The following GPR89A variants were observed in gnomAD, a reference collection of about 807,000 sequenced individuals.
The protein encoded by GPR89A is golgi pH regulator A, also known as G protein-coupled receptor 89A.
A neutral mutation model predicts 52.0 loss-of-function variants in GPR89A; 16 were observed. The observed-to-expected ratio is 0.31, with a 90% CI of 0.21 to 0.47. GPR89A has a LOEUF of 0.47. Among genes scored for constraint, GPR89A ranks in the 20% least tolerant of loss-of-function variants. GPR89A has a pLI of 1.00. For synonymous variants in GPR89A, 55 were observed against 150.9 expected (o/e 0.36, Z 4.66); for missense variants, 135 against 449.4 (o/e 0.30, Z 6.33).
At chr1:145,609,212 G>C (rs149828851) in intron 1 of GPR89A, among the ~76,000 whole-genome samples, 3,026 of 152,218 alleles carry the variant, frequency 0.02, 102 homozygotes, top group African/African-American at 0.069. Context: ...TACCTTTGGG[G>C]GCTTAAAGTG....
rs1650349154 is a variant in GPR89A at position 145,637,785 on chromosome 1, T to C, written c.617+6041T>C. On this transcript the variant is annotated intron_variant, in intron 7 of 13. Coordinates refer to ENST00000313835, the MANE Select transcript of GPR89A (RefSeq NM_001097612.2). ...TGGAAACTTTTAAAAAACAACAAAATAGAAATCCAAAGACTGAAAACTACA... is the reference window on the plus strand; with the variant it reads ...TGGAAACTTTTAAAAAACAACAAAACAGAAATCCAAAGACTGAAAACTACA... 5.3e-5 allele frequency among the ~76,000 whole-genome samples: 8 copies of C among 152,218 alleles called. No homozygotes were observed. In the South Asian group the frequency reaches 1.7e-3, roughly 32 times the overall value.
Position 145,610,398 on chromosome 1 carries a change from A to G in GPR89A, c.42+2223A>G, listed in dbSNP as rs1490543087. 3.3e-5 allele frequency among the ~76,000 whole-genome samples: 5 copies of G among 152,026 alleles called. No individual in the cohort carries two copies. The East Asian group carries it at 9.7e-4, about 29-fold the overall frequency. Reference sequence around the variant, plus strand: ...TCTTCTCTCTTCAGCTGTGGCTCCAATTTATTCTTTAGACTTCCTGAACTT... The same window carrying G: ...TCTTCTCTCTTCAGCTGTGGCTCCAGTTTATTCTTTAGACTTCCTGAACTT... On this transcript the variant is annotated intron_variant, in intron 1 of 13. Coordinates refer to ENST00000313835, the MANE Select transcript of GPR89A (RefSeq NM_001097612.2).
intron 10 of GPR89A, among the ~76,000 whole-genome samples, chr1:145,660,490 A>G (rs1391528408): frequency 6.6e-6 from 1 of 151,624 alleles, no homozygotes; most frequent in African/African-American, 2.4e-5. Flanking sequence ...CTGCACAGCA[A>G]AAGAAACTAC....
At chr1:145,647,703 G>A (rs1651099534) in intron 10 of GPR89A, among the ~76,000 whole-genome samples, 1 of 150,026 alleles carries the variant, frequency 6.7e-6, no homozygotes, top group African/African-American at 2.5e-5. Flanking sequence ...TACTCAGGAG[G>A]CTGAGGCAGG....
rs67899431 is a variant in GPR89A, at chr1:145,634,081, G to GT, written c.617+2353dup. Among the ~76,000 whole-genome samples, 486 of 146,230 alleles carry GT rather than the reference G, an allele frequency of 3.3e-3. 14 individuals carry two copies. The highest frequency in any genetic ancestry group is 8.7e-3 in the African/African-American group (349 of 40,116). The stretch of plus-strand genomic sequence containing the variant: ...CAAAGAATGGAATATTGTCTATTGT[G>GT]TTTTTTTTTTTTTTTTAAGACGGAG... On this transcript the variant is annotated intron_variant, in intron 7 of 13. Transcript: ENST00000313835.
rs781972596 is a variant in GPR89A at position 145,616,289 on chromosome 1, A to G, written c.98A>G (p.Tyr33Cys). ...LFFMRQLFKD[Y>C]EIRQYVVQVI... ...TTCATGCGCCAATTGTTTAAAGACT[A>G]TGAGGTGAGAAGAAATCATTTTGTC... is the stretch of plus-strand genomic sequence containing the variant. Residue 33 changes from tyrosine (Y) to cysteine (C), a missense_variant, in exon 2 of 14, where the codon TAT (tyrosine) becomes TGT (cysteine). Transcript: ENST00000313835. 7 of 1,606,232 alleles carry G rather than the reference A, an allele frequency of 4.4e-6. No homozygotes were observed. Among genetic ancestry groups the G allele is most frequent in the Non-Finnish European group, 5.1e-6 (6 of 1,175,472 alleles).
intron 5 of GPR89A, among the ~76,000 whole-genome samples, chr1:145,630,068 C>T (rs1279182196): frequency 6.6e-6 from 1 of 151,744 alleles, no homozygotes; most frequent in Middle Eastern, 3.2e-3. Context: ...TTTATTTTAA[C>T]TGCTAAGTTG....
At chr1:145,655,472 G>A (rs1553694354) in intron 10 of GPR89A, among the ~76,000 whole-genome samples, 2 of 152,118 alleles carry the variant, frequency 1.3e-5, no homozygotes, top group East Asian at 1.9e-4. Context: ...CTGACCTTTG[G>A]ATGGGGTTTT....
At chr1:145,664,148 G>A in intron 11 of GPR89A, among the ~76,000 whole-genome samples, 1 of 151,162 alleles carries the variant, frequency 6.6e-6, no homozygotes, top group Non-Finnish European at 1.5e-5. Flanking sequence ...CGCAGACTGC[G>A]TGCTACCCCC....
At chr1:145,660,499 A>G (rs1443582423) in intron 10 of GPR89A, among the ~76,000 whole-genome samples, 5 of 151,302 alleles carry the variant, frequency 3.3e-5, no homozygotes, top group Non-Finnish European at 5.9e-5. Flanking sequence ...AAAAGAAACT[A>G]CCATCAGAGT....
Position 145,634,081 on chromosome 1 carries a change from GT to G in GPR89A, c.617+2353del, listed in dbSNP as rs67899431. On this transcript the variant is annotated intron_variant, in intron 7 of 13. Transcript: ENST00000313835. Reference sequence around the variant, plus strand: ...CAAAGAATGGAATATTGTCTATTGTGTTTTTTTTTTTTTTTTAAGACGGAGT... The same window carrying G: ...CAAAGAATGGAATATTGTCTATTGTGTTTTTTTTTTTTTTTAAGACGGAGT... Among the ~76,000 whole-genome samples, 9 of 146,246 alleles carry G rather than the reference GT, an allele frequency of 6.2e-5. No homozygotes were observed. In the East Asian group the frequency reaches 9.9e-4, roughly 16 times the overall value.
At chr1:145,646,588 T>G in intron 9 of GPR89A, 1 of 393,686 alleles carries the variant, frequency 2.5e-6, no homozygotes, top group Non-Finnish European at 4.6e-6. Flanking sequence ...TATTCCTTTA[T>G]AAGTTAGTAA....
At position 145,663,184 on chromosome 1, in the gene GPR89A, T is replaced by C. The variant is rs1228963384; in HGVS notation, c.910-145T>C. 2.5e-5 allele frequency: 32 copies of C among 1,274,170 alleles called. 1 individual carries two copies. The highest frequency in any genetic ancestry group is 3.5e-5 in the Non-Finnish European group (32 of 924,802). 78.9% of individuals were successfully genotyped at this position (1,274,170 alleles called of 1,614,324 possible). A position where few individuals can be genotyped will look rare whatever the true frequency, so the allele number is the denominator to read the frequency against. ...GTATCCAAAATAGATTTCCTATATATGATTTGGATTAAGAGTAGAATTGCA... is the reference window on the plus strand; with the variant it reads ...GTATCCAAAATAGATTTCCTATATACGATTTGGATTAAGAGTAGAATTGCA... On this transcript the variant is annotated intron_variant, in intron 10 of 13. Coordinates refer to ENST00000313835, the MANE Select transcript of GPR89A (RefSeq NM_001097612.2).
chr1:145,611,045 C>T (rs1326025528), intron 1 of GPR89A, among the ~76,000 whole-genome samples: 14 of 152,226 alleles, frequency 9.2e-5, no homozygotes, highest in African/African-American at 3.4e-4. Flanking sequence ...TATACGCCTT[C>T]CATTTTATTT....
At chr1:145,620,174 C>T in intron 3 of GPR89A, among the ~76,000 whole-genome samples, 1 of 152,120 alleles carries the variant, frequency 6.6e-6, no homozygotes, top group Non-Finnish European at 1.5e-5. Flanking sequence ...CAGGGGTTGG[C>T]AGGCTTTCTT....
chr1:145,642,781 G>T (rs1553691923), intron 7 of GPR89A, among the ~76,000 whole-genome samples: 1 of 151,038 alleles, frequency 6.6e-6, no homozygotes, highest in African/African-American at 2.4e-5. Flanking sequence ...TTCATTTTAT[G>T]CCTGTAGGCC....
At chr1:145,660,803 A>G (rs1247629341) in intron 10 of GPR89A, among the ~76,000 whole-genome samples, 2 of 150,040 alleles carry the variant, frequency 1.3e-5, no homozygotes, top group Admixed American at 6.6e-5. Flanking sequence ...AAGTCAGGAA[A>G]CAACAGGTGC....
At chr1:145,648,992 GAC>G (rs1385996932) in intron 10 of GPR89A, among the ~76,000 whole-genome samples, 14 of 150,834 alleles carry the variant, frequency 9.3e-5, no homozygotes, top group African/African-American at 3.2e-4. Context: ...TTTTAGTAGA[GAC>G]AGGGTTTCAC....
Position 145,660,801 on chromosome 1 carries a change from AAAC to A in GPR89A, c.910-2523_910-2521del, listed in dbSNP as rs587698539. On this transcript the variant is annotated intron_variant, in intron 10 of 13. Transcript: ENST00000313835. ...GAATGGCAATCATTAAAAAGTCAGGAAACAACAGGTGCTGGAGAGGATGTGGAG... is the reference window on the plus strand; with the variant it reads ...GAATGGCAATCATTAAAAAGTCAGGAAACAGGTGCTGGAGAGGATGTGGAG... 4.8e-3 allele frequency among the ~76,000 whole-genome samples: 735 copies of A among 151,660 alleles called. 6 individuals are homozygous for A. The highest frequency in any genetic ancestry group is 0.017 in the African/African-American group (692 of 41,256).
Sources: gnomAD v4.1 joint callset for allele counts (sites outside exome capture counted in the v4.1 genomes callset) on GRCh38, gnomAD v4.1.1 for gene constraint, MANE v1.5 for transcripts, NCBI Gene and HGNC (gene_info 2026-07-23, HGNC 2026-07-21) for gene names.